Variants in COL11A1 observed in about 807,000 individuals in gnomAD.
COL11A1 encodes collagen type XI alpha 1 chain.
Under a neutral mutation model 265.2 loss-of-function variants are expected in COL11A1, and 74 were observed. The ratio of observed to expected loss-of-function variants is 0.28; its 90% confidence interval spans 0.23 to 0.34. The LOEUF is 0.34. Ranked by LOEUF, COL11A1 falls within the 10% of genes least tolerant of loss-of-function variation. COL11A1 has a pLI of 1.00. For missense variants in COL11A1, 2,165 were observed against 2,263.6 expected, an observed-to-expected ratio of 0.96 and a Z score of 0.88; for synonymous variants, 816 against 727.6, an observed-to-expected ratio of 1.12 and a Z score of -1.96.
chr1:103,021,664 G>A (rs1178244769), intron 9 of COL11A1, 43 bp downstream of exon 9: 18 of 1,291,364 alleles, frequency 1.4e-5, no homozygotes, highest in Middle Eastern at 1.8e-4. Context: ...TGGCTCATAA[G>A]CAATTTTACC....
intron 3 of COL11A1, among the ~76,000 whole-genome samples, chr1:103,077,160 T>C (rs1022726008): frequency 6.6e-6 from 1 of 152,128 alleles, no homozygotes; most frequent in African/African-American, 2.4e-5. Flanking sequence ...CTGTGATATA[T>C]GTAAATATAA....
intron 4 of COL11A1, among the ~76,000 whole-genome samples, chr1:103,050,596 C>G (rs1669732569): frequency 6.6e-6 from 1 of 152,180 alleles, no homozygotes; most frequent in South Asian, 2.1e-4. Context: ...CTTCTTCTCT[C>G]AACTCGTCAA....
intron 62 of COL11A1, 76 bp downstream of exon 62, chr1:102,888,496 CTATCT>C: frequency 1.5e-6 from 2 of 1,350,654 alleles, no homozygotes; most frequent in Admixed American, 1.7e-5. Context: ...TGCTTTTTGT[CTATCT>C]TATAAGTTCA....
chr1:103,065,662 T>A (rs1671083572), intron 4 of COL11A1, among the ~76,000 whole-genome samples: 1 of 150,466 alleles, frequency 6.6e-6, no homozygotes, highest in Non-Finnish European at 1.5e-5. Flanking sequence ...TTAAAACAGC[T>A]ATTATAACTC....
chr1:102,979,673 G>T, intron 31 of COL11A1: 1 of 566,792 alleles, frequency 1.8e-6, no homozygotes, highest in Middle Eastern at 2.7e-4. Context: ...CTGAGTAAAT[G>T]AATTAATCAA....
At chr1:103,046,697 T>C (rs2102090885) in intron 4 of COL11A1, among the ~76,000 whole-genome samples, 1 of 151,556 alleles carries the variant, frequency 6.6e-6, no homozygotes, top group East Asian at 1.9e-4. Flanking sequence ...ATGTCCTGAA[T>C]GGTAATGCCT....
intron 37 of COL11A1, among the ~76,000 whole-genome samples, chr1:102,967,255 T>G (rs1373362342): frequency 8.5e-6 from 1 of 118,176 alleles, no homozygotes; most frequent in African/African-American, 3.3e-5. Context: ...TTTTTTTTTT[T>G]TTTGAGACGG....
At chr1:103,037,553 T>C (rs932842873) in intron 4 of COL11A1, among the ~76,000 whole-genome samples, 1 of 152,144 alleles carries the variant, frequency 6.6e-6, no homozygotes, top group African/African-American at 2.4e-5. Flanking sequence ...ATAATGTGAC[T>C]TGTAGATGGA....
At chr1:103,012,319 C>T (rs1666200167) in intron 14 of COL11A1, 94 bp downstream of exon 14, 3 of 904,556 alleles carry the variant, frequency 3.3e-6, no homozygotes, top group Non-Finnish European at 5.5e-6. Flanking sequence ...CTATTGTCAC[C>T]AACCATAGAT....
chr1:102,935,971 T>G (rs976137458), intron 44 of COL11A1, among the ~76,000 whole-genome samples: 2 of 152,134 alleles, frequency 1.3e-5, no homozygotes, highest in Non-Finnish European at 2.9e-5. Flanking sequence ...CCGTGGTGAA[T>G]AAAGTTGCTG....
chr1:103,025,862 TTTCAGATTTG>T (rs761552311), intron 6 of COL11A1: 1 of 1,613,680 alleles, frequency 6.2e-7, no homozygotes, highest in Non-Finnish European at 8.5e-7. Context: ...GATGAAAATT[TTTCAGATTTG>T]GGGGGTGTAA....
intron 44 of COL11A1, among the ~76,000 whole-genome samples, chr1:102,936,460 T>C (rs1658156984): frequency 6.6e-6 from 1 of 152,142 alleles, no homozygotes; most frequent in Admixed American, 6.5e-5. Flanking sequence ...TTGGCAGATG[T>C]TATTCAATAT....
intron 47 of COL11A1, among the ~76,000 whole-genome samples, chr1:102,922,861 G>A (rs1656151372): frequency 6.6e-6 from 1 of 152,078 alleles, no homozygotes; most frequent in Non-Finnish European, 1.5e-5. Context: ...GAAAATTGGG[G>A]GCAATGTTGA....
intron 40 of COL11A1, 43 bp downstream of exon 40, chr1:102,962,132 AC>A (rs1660968085): frequency 1.4e-6 from 2 of 1,476,214 alleles, no homozygotes; most frequent in South Asian, 2.3e-5. Context: ...CTTCTAATAA[AC>A]AATTGGAATC....
intron 36 of COL11A1, among the ~76,000 whole-genome samples, chr1:102,974,538 A>G (rs1346636763): frequency 6.6e-6 from 1 of 152,204 alleles, no homozygotes; most frequent in African/African-American, 2.4e-5. Context: ...AACAATTTGT[A>G]ATGTCATCAA....
chr1:103,004,776 C>CA, intron 18 of COL11A1, 115 bp from the exon 19 acceptor site: 2 of 869,910 alleles, frequency 2.3e-6, no homozygotes, highest in Non-Finnish European at 3.6e-6. Flanking sequence ...AAAATATATG[C>CA]TTTATTTACC....
intron 4 of COL11A1, among the ~76,000 whole-genome samples, chr1:103,069,814 A>G (rs949522623): frequency 6.6e-6 from 1 of 151,858 alleles, no homozygotes; most frequent in Non-Finnish European, 1.5e-5. Context: ...TGCAGACATC[A>G]TCAGTCAAGG....
intron 4 of COL11A1, among the ~76,000 whole-genome samples, chr1:103,061,879 A>G (rs886709729): frequency 1.3e-5 from 2 of 152,026 alleles, no homozygotes; most frequent in South Asian, 2.1e-4. Flanking sequence ...GAAAGTCACC[A>G]TAGAATTAGC....
chr1:103,019,936 G>A (rs1421578764), intron 9 of COL11A1, among the ~76,000 whole-genome samples: 1 of 146,698 alleles, frequency 6.8e-6, no homozygotes, highest in East Asian at 2.1e-4. Context: ...TTTTATGGCT[G>A]CATAGTATTC....
Sources: allele counts gnomAD v4.1 joint callset (sites outside exome capture counted in the v4.1 genomes callset), GRCh38; gene constraint gnomAD v4.1.1; transcripts MANE v1.5; gene names NCBI Gene and HGNC (gene_info 2026-07-23, HGNC 2026-07-21).